ACACA: variants seen among roughly 807,000 people sequenced by gnomAD.
ACACA encodes the protein acetyl-CoA carboxylase 1.
A neutral mutation model predicts 296.1 loss-of-function variants in ACACA; 103 were observed. The ratio of observed to expected loss-of-function variants is 0.35; its 90% CI spans 0.30 to 0.41. The LOEUF is 0.41. Among genes scored for constraint, ACACA ranks in the 10% least tolerant of loss-of-function variants. The pLI is 1.00. For synonymous variants in ACACA, 953 were observed against 1,038.6 expected, an observed-to-expected ratio of 0.92 and a Z score of 1.58; for missense variants, 1,554 against 2,989.7, an observed-to-expected ratio of 0.52 and a Z score of 11.20.
intron 41 of ACACA, among the ~76,000 whole-genome samples, chr17:37,166,300 G>T (rs558701533): frequency 1.3e-5 from 2 of 151,620 alleles, no homozygotes; most frequent in African/African-American, 4.9e-5. Flanking sequence ...ACCATGCCCA[G>T]CTAATTTTTT....
intron 35 of ACACA, among the ~76,000 whole-genome samples, chr17:37,199,090 A>G (rs2145225433): frequency 6.6e-6 from 1 of 152,174 alleles, no homozygotes; most frequent in East Asian, 1.9e-4. Context: ...AAATACAAAA[A>G]TCAGCTGGGT....
chr17:37,088,068 C>A (rs764842091), intron 55 of ACACA, among the ~76,000 whole-genome samples: 1 of 152,208 alleles, frequency 6.6e-6, no homozygotes, highest in African/African-American at 2.4e-5. Context: ...AGATAAACAG[C>A]ATGTGCCCCC....
At chr17:37,298,197 A>T (rs2146842872) in intron 3 of ACACA, among the ~76,000 whole-genome samples, 1 of 152,260 alleles carries the variant, frequency 6.6e-6, no homozygotes, top group Non-Finnish European at 1.5e-5. Context: ...AGGGTGGAAG[A>T]AGTGGTAAAA....
intron 48 of ACACA, among the ~76,000 whole-genome samples, chr17:37,125,386 G>A (rs1281780221): frequency 1.3e-5 from 2 of 152,010 alleles, no homozygotes; most frequent in Non-Finnish European, 2.9e-5. Flanking sequence ...TTTGGGAGAG[G>A]GAAAGTCATT....
intron 52 of ACACA, among the ~76,000 whole-genome samples, chr17:37,099,920 G>C (rs2073260176): frequency 6.6e-6 from 1 of 152,158 alleles, no homozygotes; most frequent in Non-Finnish European, 1.5e-5. Context: ...AGACATGTTA[G>C]AAAAATGCAG....
chr17:37,201,151 A>G (rs1278690259), intron 33 of ACACA, among the ~76,000 whole-genome samples: 1 of 152,214 alleles, frequency 6.6e-6, no homozygotes, highest in African/African-American at 2.4e-5. Context: ...TTAGAAGTCA[A>G]CAGAAGGCTG....
chr17:37,304,390 C>T (rs1217560961), intron 3 of ACACA, among the ~76,000 whole-genome samples: 1 of 152,040 alleles, frequency 6.6e-6, no homozygotes, highest in Non-Finnish European at 1.5e-5. Context: ...TTCCTGGGCT[C>T]AGGAAATCCA....
chr17:37,357,362 G>A (rs1159210108), intron 1 of ACACA, among the ~76,000 whole-genome samples: 1 of 152,002 alleles, frequency 6.6e-6, no homozygotes, highest in Non-Finnish European at 1.5e-5. Flanking sequence ...GCGTAGTGGC[G>A]CACGCGTGTA....
chr17:37,257,681 A>T (rs2081284553), intron 14 of ACACA, 22 bp downstream of exon 14: 1 of 1,612,232 alleles, frequency 6.2e-7, no homozygotes, highest in Non-Finnish European at 8.5e-7. Context: ...TGTAAAATGC[A>T]ATCAAATGCT....
intron 29 of ACACA, among the ~76,000 whole-genome samples, chr17:37,213,828 C>T (rs2078865936): frequency 1.3e-5 from 2 of 152,126 alleles, no homozygotes; most frequent in African/African-American, 2.4e-5. Context: ...CTAGCTGAAC[C>T]CTCTTTAATT....
intron 1 of ACACA, among the ~76,000 whole-genome samples, chr17:37,347,082 C>T (rs543481996): frequency 7.8e-4 from 119 of 152,224 alleles, no homozygotes; most frequent in African/African-American, 2.8e-3. Flanking sequence ...TTAATTTCCA[C>T]GTGTTGTGGG....
intron 1 of ACACA, among the ~76,000 whole-genome samples, chr17:37,393,347 T>C (rs772641550): frequency 4.5e-4 from 69 of 151,958 alleles, no homozygotes; most frequent in Admixed American, 9.2e-4. Flanking sequence ...AGAAAAAAAA[T>C]GCCTGCTCTT....
rs1883575299 is a variant in ACACA at position 37,085,841 on chromosome 17, T to C, written c.*1475A>G. 2.5e-6 allele frequency: 1 copy of C among 399,012 alleles called. No individual in the cohort carries two copies. Among genetic ancestry groups the C allele is most frequent in the South Asian group, 1.3e-4 (1 of 7,866 alleles). The allele number at this position is 399,012 out of a possible 1,614,324, so 24.7% of individuals were successfully genotyped here. A position where few individuals can be genotyped will look rare whatever the true frequency, so the allele number is the denominator to read the frequency against. On this transcript the variant is annotated 3_prime_UTR_variant, in exon 56 of 56. Coordinates refer to ENST00000616317, the MANE Select transcript of ACACA (RefSeq NM_198834.3). ...ACTGTGGCTTGTCCAAGAACGTTCA[T>C]ACCACTGCTTCTCAAATGTCTTAGT...
intron 3 of ACACA, among the ~76,000 whole-genome samples, chr17:37,320,727 AC>A (rs1003926069): frequency 2.0e-5 from 3 of 151,910 alleles, no homozygotes; most frequent in Non-Finnish European, 4.4e-5. Context: ...CAGGTGGATC[AC>A]CTGAGGTCAG....
chr17:37,187,766 CAG>C (rs1242175189), intron 39 of ACACA, among the ~76,000 whole-genome samples: 1 of 152,066 alleles, frequency 6.6e-6, no homozygotes, highest in African/African-American at 2.4e-5. Flanking sequence ...AAAACAGAAA[CAG>C]AACACAATAG....
chr17:37,372,281 C>T lies in ACACA; in HGVS notation c.39-32431G>A, dbSNP rs554650067. On this transcript the variant is annotated intron_variant, in intron 1 of 55. Coordinates refer to ENST00000616317, the MANE Select transcript of ACACA (RefSeq NM_198834.3). Reference sequence around the variant, plus strand: ...ACAAAAAATTAGCCAAGCGTGGTGGCGGGCACCTGTAGTCCCAGCTACTTG... The same window carrying T: ...ACAAAAAATTAGCCAAGCGTGGTGGTGGGCACCTGTAGTCCCAGCTACTTG... Among the ~76,000 whole-genome samples the T allele has an allele frequency of 5.3e-5, 8 of 151,734 alleles. No homozygotes were observed. In the East Asian group the frequency reaches 5.9e-4, roughly 11 times the overall value.
At chr17:37,135,219 T>TA (rs1327742952) in intron 45 of ACACA, among the ~76,000 whole-genome samples, 1 of 152,242 alleles carries the variant, frequency 6.6e-6, no homozygotes. Context: ...TGAATGGAAT[T>TA]AAATCTCTAG....
intron 41 of ACACA, 132 bp downstream of exon 41, chr17:37,179,128 A>C: frequency 8.9e-7 from 1 of 1,119,590 alleles, no homozygotes; most frequent in African/African-American, 1.6e-5. Context: ...CTTGATACTC[A>C]GTCAATGCTC....
intron 1 of ACACA, among the ~76,000 whole-genome samples, chr17:37,390,271 A>AATT (rs1555672194): frequency 0.052 from 2,595 of 50,206 alleles, 202 homozygotes; most frequent in East Asian, 0.21. Context: ...AATTATATAT[A>AATT]ATATATTATA....
Sources: allele counts gnomAD v4.1 joint callset (sites outside exome capture counted in the v4.1 genomes callset), GRCh38; gene constraint gnomAD v4.1.1; transcripts MANE v1.5; gene names NCBI Gene and HGNC (gene_info 2026-07-23, HGNC 2026-07-21).